The following PLD5 variants were observed in gnomAD, a reference collection of about 807,000 sequenced individuals.
The protein encoded by PLD5 is inactive phospholipase D5.
Under a neutral mutation model 61.1 loss-of-function variants are expected in PLD5, and 36 were observed. The observed-to-expected ratio is 0.59, with a 90% CI of 0.45 to 0.78. The LOEUF (loss-of-function observed/expected upper bound fraction) is 0.78. Among genes scored for constraint, PLD5 ranks in the 30% least tolerant of loss-of-function variants. The pLI is 0.00. For missense variants in PLD5, 515 were observed against 644.4 expected, an observed-to-expected ratio of 0.80 and a Z score of 2.17; for synonymous variants, 243 against 242.8, an observed-to-expected ratio of 1.00 and a Z score of -0.01.
chr1:242,338,231 C>T (rs1659637457), intron 2 of PLD5, among the ~76,000 whole-genome samples: 1 of 152,114 alleles, frequency 6.6e-6, no homozygotes, highest in African/African-American at 2.4e-5. Context: ...CACATCAACT[C>T]CAGTTTTCTC....
At chr1:242,143,477 G>A (rs1296711479) in intron 5 of PLD5, among the ~76,000 whole-genome samples, 1 of 152,182 alleles carries the variant, frequency 6.6e-6, no homozygotes, top group Non-Finnish European at 1.5e-5. Flanking sequence ...ATCACCTCAT[G>A]GAAGTGGTAA....
At chr1:242,509,272 G>C (rs186036167) in intron 1 of PLD5, among the ~76,000 whole-genome samples, 4 of 150,042 alleles carry the variant, frequency 2.7e-5, no homozygotes, top group African/African-American at 9.8e-5. Flanking sequence ...CCAGCTACTC[G>C]GGAGGCTGAG....
chr1:242,486,446 A>T (rs1667963984), intron 1 of PLD5, among the ~76,000 whole-genome samples: 1 of 152,130 alleles, frequency 6.6e-6, no homozygotes. Flanking sequence ...TGCAGCCAAA[A>T]GACACATGAA....
Position 242,083,358 on chromosome 1 carries a change from C to T in PLD5, c.*6496G>A, listed in dbSNP as rs946302418. On this transcript the variant is annotated 3_prime_UTR_variant, in exon 10 of 10. Coordinates refer to ENST00000536534, the MANE Select transcript of PLD5 (RefSeq NM_001372062.1). The stretch of plus-strand genomic sequence containing the variant: ...CGCCCTCTGGCCTGAAAATGAGTCT[C>T]TTTGGGTCGGGTACTGAACCTTGGT... 6.6e-6 allele frequency: 1 copy of T among 152,218 alleles called. No individual in the cohort carries two copies. Among genetic ancestry groups the T allele is most frequent in the African/African-American group, 2.4e-5 (1 of 41,448 alleles). 9.4% of individuals were successfully genotyped at this position (152,218 alleles called of 1,614,324 possible). A position where few individuals can be genotyped will look rare whatever the true frequency, so the allele number is the denominator to read the frequency against.
intron 1 of PLD5, among the ~76,000 whole-genome samples, chr1:242,375,550 G>A (rs545538739): frequency 1.4e-4 from 22 of 152,214 alleles, no homozygotes; most frequent in Admixed American, 2.6e-4. Flanking sequence ...TCGAGGAACC[G>A]AACGTTGACT....
At chr1:242,264,471 T>C (rs553733853) in intron 4 of PLD5, among the ~76,000 whole-genome samples, 106 of 152,182 alleles carry the variant, frequency 7.0e-4, no homozygotes, top group Non-Finnish European at 1.2e-3. Context: ...GGCTCACTTA[T>C]TTGATTCCTG....
Position 242,377,190 on chromosome 1 carries a change from G to A in PLD5, c.190-28948C>T, listed in dbSNP as rs145744918. 4.2e-4 allele frequency: 676 copies of A among 1,611,588 alleles called. No individual in the cohort carries two copies. The African/African-American group carries it at 6.6e-3, about 16-fold the overall frequency. On this transcript the variant is annotated intron_variant, in intron 1 of 9. Transcript: ENST00000536534. ...GTGTCTGGAGAGAGAGACGTGAGACGTGTAGCAGAGGCCACACTCCCGGCA... is the reference window on the plus strand; with the variant it reads ...GTGTCTGGAGAGAGAGACGTGAGACATGTAGCAGAGGCCACACTCCCGGCA...
chr1:242,447,095 C>T, intron 1 of PLD5, among the ~76,000 whole-genome samples: 1 of 152,342 alleles, frequency 6.6e-6, no homozygotes, highest in Middle Eastern at 3.4e-3. Flanking sequence ...ACATTATGTC[C>T]TCGCTATTTG....
At chr1:242,311,402 A>G (rs1428308026) in intron 2 of PLD5, among the ~76,000 whole-genome samples, 2 of 152,242 alleles carry the variant, frequency 1.3e-5, no homozygotes, top group Non-Finnish European at 2.9e-5. Flanking sequence ...CAGGAGGTCA[A>G]GGTGAAGCCT....
chr1:242,120,068 A>G (rs1314794413), intron 6 of PLD5, among the ~76,000 whole-genome samples: 3 of 152,218 alleles, frequency 2.0e-5, no homozygotes, highest in Non-Finnish European at 2.9e-5. Flanking sequence ...GAAAGCAGCA[A>G]TCACAAAAAA....
At chr1:242,170,535 A>C (rs1030190296) in intron 5 of PLD5, among the ~76,000 whole-genome samples, 1 of 152,216 alleles carries the variant, frequency 6.6e-6, no homozygotes, top group Non-Finnish European at 1.5e-5. Flanking sequence ...GCAAGGGAAC[A>C]AAATGGGATG....
chr1:242,110,023 C>CATTATATT (rs200822299), intron 7 of PLD5, among the ~76,000 whole-genome samples: 7 of 148,180 alleles, frequency 4.7e-5, no homozygotes, highest in Admixed American at 3.4e-4. Flanking sequence ...AGGAGAATCA[C>CATTATATT]ATTATATTAT....
chr1:242,300,635 G>A (rs1428132029), intron 2 of PLD5, among the ~76,000 whole-genome samples: 6 of 152,118 alleles, frequency 3.9e-5, no homozygotes, highest in Non-Finnish European at 8.8e-5. Context: ...CACGGTGTGA[G>A]GTTGTGGTTT....
intron 2 of PLD5, among the ~76,000 whole-genome samples, chr1:242,339,059 T>C (rs1368491383): frequency 7.9e-5 from 12 of 152,214 alleles, no homozygotes; most frequent in Admixed American, 2.0e-4. Flanking sequence ...ATATAATGTA[T>C]AAACTATTGT....
intron 9 of PLD5, among the ~76,000 whole-genome samples, chr1:242,099,454 A>G (rs544594381): frequency 6.6e-6 from 1 of 151,944 alleles, no homozygotes; most frequent in African/African-American, 2.4e-5. Context: ...ATATTCCAAT[A>G]CTCTCTTCTA....
At chr1:242,475,406 G>A (rs1408362495) in intron 1 of PLD5, among the ~76,000 whole-genome samples, 2 of 124,852 alleles carry the variant, frequency 1.6e-5, no homozygotes, top group Middle Eastern at 5.4e-3. Flanking sequence ...CTGGGCGACA[G>A]AGCGAGACTC....
At position 242,394,194 on chromosome 1, in the gene PLD5, GTA is replaced by G. The variant is rs1227479434; in HGVS notation, c.190-45954_190-45953del. Among the ~76,000 whole-genome samples, 15 of 60,564 alleles carry G rather than the reference GTA, an allele frequency of 2.5e-4. 3 individuals are homozygous for G. Among genetic ancestry groups the G allele is most frequent in the African/African-American group, 3.4e-4 (5 of 14,746 alleles). The allele number at this position is 60,564 out of a possible 152,430, so 39.7% of individuals were successfully genotyped here. On this transcript the variant is annotated intron_variant, in intron 1 of 9. Coordinates refer to ENST00000536534, the MANE Select transcript of PLD5 (RefSeq NM_001372062.1). Reference sequence around the variant, plus strand: ...TATGTGTATATATGAGTATATATGAGTATATATATGTGTATATGAGTATATAT... The same window carrying G: ...TATGTGTATATATGAGTATATATGAGTATATATGTGTATATGAGTATATAT...
rs140142605 is a variant in PLD5, at chr1:242,289,583, C to G, written c.327-1053G>C. ...GGACAGGCTGGTCTCGAACTCCTGA[C>G]CTCTCATGATCCCCCCCTGCCTTGG... On this transcript the variant is annotated intron_variant, in intron 2 of 9. Coordinates refer to ENST00000536534, the MANE Select transcript of PLD5 (RefSeq NM_001372062.1). Among the ~76,000 whole-genome samples the G allele has an allele frequency of 6.2e-3, 948 of 152,178 alleles. 7 individuals are homozygous for G. The highest frequency in any genetic ancestry group is 0.022 in the African/African-American group (902 of 41,514).
At chr1:242,263,496 G>A (rs1673486189) in intron 4 of PLD5, among the ~76,000 whole-genome samples, 1 of 150,282 alleles carries the variant, frequency 6.7e-6, no homozygotes, top group African/African-American at 2.5e-5. Flanking sequence ...TACAATAACT[G>A]TATTCTAAAG....
Sources: allele counts gnomAD v4.1 joint callset (sites outside exome capture counted in the v4.1 genomes callset), GRCh38; gene constraint gnomAD v4.1.1; transcripts MANE v1.5; gene names NCBI Gene and HGNC (gene_info 2026-07-23, HGNC 2026-07-21).